CARF: variants seen among roughly 807,000 people sequenced by gnomAD.
The protein encoded by CARF is calcium-responsive transcription factor.
A neutral mutation model predicts 82.0 loss-of-function variants in CARF; 57 were observed. That is an observed-to-expected ratio of 0.70 (90% CI 0.56 to 0.87). The LOEUF (loss-of-function observed/expected upper bound fraction) is 0.87, where lower values mean the gene tolerates loss of function less well. Among genes scored for constraint, CARF ranks in the 40% least tolerant of loss-of-function variants. The probability of loss-of-function intolerance (pLI) is 0.00; values close to 1 mark genes in which losing one functional copy is unlikely to be tolerated. For synonymous variants in CARF, 268 were observed against 290.1 expected (o/e 0.92, Z 0.77); for missense variants, 771 against 855.8 (o/e 0.90, Z 1.24).
Position 202,955,715 on chromosome 2 carries a change from C to A in CARF, c.599C>A (p.Ser200Tyr), listed in dbSNP as rs577808416. The change falls in exon 8 of 17, where the codon TCT (serine) becomes TAT (tyrosine). Residue 200 changes from serine to tyrosine, a missense_variant. By Grantham distance (144) the Ser-to-Tyr change is moderately radical (BLOSUM62 -2). Transcript: ENST00000438828. ...EPLLGPLQPL[S>Y]SNTPIWACRL... ...CTTCTGGGGCCTCTTCAGCCACTTT[C>A]TTCTAATACACCTATATGGGCCTGC... 1 of 1,612,450 alleles carries A rather than the reference C, an allele frequency of 6.2e-7. No homozygotes were observed. Among genetic ancestry groups the A allele is most frequent in the Admixed American group, 1.7e-5 (1 of 59,890 alleles).
chr2:202,959,471 A>T (rs2059205811), intron 8 of CARF, among the ~76,000 whole-genome samples: 1 of 152,114 alleles, frequency 6.6e-6, no homozygotes, highest in African/African-American at 2.4e-5. Flanking sequence ...AGGTCTCTGC[A>T]TTTCATTGTA....
chr2:202,974,527 G>C lies in CARF; in HGVS notation c.1494+31G>C, dbSNP rs1275685845. 3.9e-6 allele frequency: 6 copies of C among 1,553,632 alleles called. No homozygotes were observed. The East Asian group carries it at 1.2e-4, about 30-fold the overall frequency. ...ATTACAACCATAATTCCTTATTACAGAGTCTTTCTCAGCTTCTATTAATAT... is the reference window on the plus strand; with the variant it reads ...ATTACAACCATAATTCCTTATTACACAGTCTTTCTCAGCTTCTATTAATAT... On this transcript the variant is annotated intron_variant, in intron 13 of 16. Transcript: ENST00000438828.
At chr2:202,956,900 T>TA (rs2059072491) in intron 8 of CARF, among the ~76,000 whole-genome samples, 5 of 152,304 alleles carry the variant, frequency 3.3e-5, no homozygotes, top group Admixed American at 3.3e-4. Context: ...GCGATTCTGC[T>TA]GCCTCAGCCT....
chr2:202,922,465 C>G (rs1691012551), intron 2 of CARF, among the ~76,000 whole-genome samples: 3 of 152,056 alleles, frequency 2.0e-5, no homozygotes, highest in African/African-American at 7.2e-5. Context: ...TAATATAGTA[C>G]TGGAAGTCCT....
chr2:202,917,489 AGGTAGGGCATGG>A (rs1657612934), intron 1 of CARF, among the ~76,000 whole-genome samples: 1 of 151,972 alleles, frequency 6.6e-6, no homozygotes, highest in South Asian at 2.1e-4. Context: ...AGGGTTTGGG[AGGTAGGGCATGG>A]GGAGAAGAGC....
In CARF at chr2:202,961,267, G is replaced by T; in HGVS notation, c.673G>T (p.Val225Leu). 6.2e-7 allele frequency: 1 copy of T among 1,613,894 alleles called. No homozygotes were observed. The highest frequency in any genetic ancestry group is 1.3e-5 in the African/African-American group (1 of 75,028). ...TGGAGATTCATACCGTGGCTACTGT[G>T]TAAGTGAGACTGAATTAGAAAGTGT... is the stretch of plus-strand genomic sequence containing the variant. ...KIGDSYRGYC[V>L]SETELESVLT... The change falls in exon 9 of 17, where the codon GTA (valine) becomes TTA (leucine). Residue 225 changes from valine (V) to leucine (L), a missense_variant. Transcript: ENST00000438828.
chr2:202,974,268 G>T, intron 12 of CARF, 66 bp from the exon 13 acceptor site: 1 of 1,156,076 alleles, frequency 8.6e-7, no homozygotes, highest in Non-Finnish European at 1.2e-6. Flanking sequence ...GAACCTTTCT[G>T]TCTTTTGATC....
rs2060406420 is a variant in CARF, at chr2:202,985,583, T to TA, written c.*1961dup. The TA allele has an allele frequency of 6.6e-6, 1 of 152,182 alleles. No homozygotes were observed. Among genetic ancestry groups the TA allele is most frequent in the South Asian group, 2.1e-4 (1 of 4,832 alleles). The allele number at this position is 152,182 out of a possible 1,614,324, so 9.4% of individuals were successfully genotyped here. On this transcript the variant is annotated 3_prime_UTR_variant, in exon 17 of 17. Coordinates refer to ENST00000438828, the MANE Select transcript of CARF (RefSeq NM_024744.17). The stretch of plus-strand genomic sequence containing the variant: ...GTTACACTAAGTTAAACACAGCACT[T>TA]AATTACCTCAAATCCAGATTTCTCT...
At chr2:202,956,810 A>G (rs909471509) in intron 8 of CARF, among the ~76,000 whole-genome samples, 1 of 151,476 alleles carries the variant, frequency 6.6e-6, no homozygotes, top group Non-Finnish European at 1.5e-5. Context: ...TTTTTTTGAG[A>G]TGGAGTCTCG....
intron 16 of CARF, 128 bp downstream of exon 16, chr2:202,982,569 TATGAG>T: frequency 1.0e-6 from 1 of 969,692 alleles, no homozygotes; most frequent in Non-Finnish European, 1.5e-6. Context: ...GAAGCAAAAT[TATGAG>T]AGAGAAGGAG....
intron 5 of CARF, among the ~76,000 whole-genome samples, chr2:202,947,245 G>A (rs567975014): frequency 6.6e-6 from 1 of 152,274 alleles, no homozygotes; most frequent in South Asian, 2.1e-4. Context: ...ATCAATGATA[G>A]ACTGGATAAA....
chr2:202,949,749 C>G (rs1479581212), intron 5 of CARF, among the ~76,000 whole-genome samples: 1 of 151,846 alleles, frequency 6.6e-6, no homozygotes, highest in Non-Finnish European at 1.5e-5. Context: ...CGGGTTTCAT[C>G]ATGTTGGCTA....
chr2:202,925,170 G>A (rs767728149), intron 3 of CARF: 3 of 321,438 alleles, frequency 9.3e-6, no homozygotes, highest in South Asian at 5.6e-5. Context: ...ACTATCAAAA[G>A]TGTGAAGTTT....
rs958310797 is a variant in CARF at position 202,945,122 on chromosome 2, G to A, written c.306+2155G>A. On this transcript the variant is annotated intron_variant, in intron 5 of 16. Coordinates refer to ENST00000438828, the MANE Select transcript of CARF (RefSeq NM_024744.17). ...GAGAGAATATTCCGGGAAACTTAGT[G>A]GAACTTTTGGTTTTGTTTGTTTCAG... Among the ~76,000 whole-genome samples the A allele has an allele frequency of 2.0e-5, 3 of 152,126 alleles. No individual in the cohort carries two copies. The East Asian group carries it at 5.8e-4, about 29-fold the overall frequency.
intron 16 of CARF, 99 bp from the exon 17 acceptor site, chr2:202,983,405 GTT>G (rs1159460306): frequency 1.3e-6 from 1 of 761,200 alleles, no homozygotes; most frequent in Admixed American, 3.0e-5. Context: ...AAGAACAAAA[GTT>G]TTCACAGAAG....
chr2:202,963,555 C>T (rs2059413220), intron 9 of CARF, among the ~76,000 whole-genome samples: 2 of 152,028 alleles, frequency 1.3e-5, no homozygotes, highest in South Asian at 2.1e-4. Context: ...GGGATGGTTT[C>T]GGGATGATTC....
At chr2:202,928,812 C>T (rs1256557620) in intron 3 of CARF, among the ~76,000 whole-genome samples, 1 of 152,118 alleles carries the variant, frequency 6.6e-6, no homozygotes, top group Non-Finnish European at 1.5e-5. Flanking sequence ...TGCAGTGGCT[C>T]AATCTCGGCT....
At chr2:202,944,596 T>C (rs2058400218) in intron 5 of CARF, among the ~76,000 whole-genome samples, 1 of 152,198 alleles carries the variant, frequency 6.6e-6, no homozygotes, top group Non-Finnish European at 1.5e-5. Context: ...AGGGGAATCC[T>C]TTTTGTTTAT....
intron 8 of CARF, among the ~76,000 whole-genome samples, chr2:202,958,565 C>A (rs555056622): frequency 4.0e-4 from 61 of 152,186 alleles, no homozygotes; most frequent in African/African-American, 1.4e-3. Flanking sequence ...TGAACCACTT[C>A]TTTCCCAGTG....
Sources: allele counts gnomAD v4.1 joint callset (sites outside exome capture counted in the v4.1 genomes callset), GRCh38; gene constraint gnomAD v4.1.1; transcripts MANE v1.5; gene names NCBI Gene and HGNC (gene_info 2026-07-23, HGNC 2026-07-21).